The following PRCP variants were observed in gnomAD, a reference collection of about 807,000 sequenced individuals.
PRCP encodes the protein lysosomal Pro-X carboxypeptidase.
Under a neutral mutation model 54.2 loss-of-function variants are expected in PRCP, and 46 were observed. The ratio of observed to expected loss-of-function variants is 0.85; its 90% CI spans 0.67 to 1.09. PRCP has a LOEUF of 1.09. PRCP is among the 50% of genes least tolerant of loss of function. The pLI is 0.00. For missense variants in PRCP, 613 were observed against 596.8 expected (o/e 1.03, Z -0.28); for synonymous variants, 240 against 212.2 (o/e 1.13, Z -1.14).
chr11:82,878,649 T>C (rs1859664215), intron 1 of PRCP, among the ~76,000 whole-genome samples: 2 of 152,234 alleles, frequency 1.3e-5, no homozygotes, highest in Non-Finnish European at 2.9e-5. Context: ...AGGGTCTTTA[T>C]AATTCAGCAT....
chr11:82,860,801 C>A (rs971447351), intron 1 of PRCP, among the ~76,000 whole-genome samples: 1 of 152,108 alleles, frequency 6.6e-6, no homozygotes, highest in African/African-American at 2.4e-5. Context: ...ATGTCTATAT[C>A]ATTCCCACCA....
intron 6 of PRCP, among the ~76,000 whole-genome samples, chr11:82,842,159 G>A (rs1244059010): frequency 6.6e-6 from 1 of 152,150 alleles, no homozygotes; most frequent in Non-Finnish European, 1.5e-5. Context: ...CCCTCTTAGA[G>A]CTTAGAACAC....
intron 1 of PRCP, among the ~76,000 whole-genome samples, chr11:82,880,768 A>T (rs1859729993): frequency 6.6e-6 from 1 of 151,992 alleles, no homozygotes; most frequent in African/African-American, 2.4e-5. Context: ...CAAAATGGTG[A>T]ATAAATAAAA....
intron 6 of PRCP, among the ~76,000 whole-genome samples, chr11:82,843,801 C>T (rs1003125161): frequency 6.6e-6 from 1 of 152,042 alleles, no homozygotes; most frequent in South Asian, 2.1e-4. Flanking sequence ...TCACAATAAC[C>T]AAGAGAGCAC....
intron 1 of PRCP, among the ~76,000 whole-genome samples, chr11:82,862,758 G>A (rs1419902960): frequency 6.6e-6 from 1 of 152,142 alleles, no homozygotes. Flanking sequence ...TTTTATGGAC[G>A]AGGTATGTAA....
At chr11:82,846,441 G>T (rs896160704) in intron 6 of PRCP, among the ~76,000 whole-genome samples, 3 of 151,766 alleles carry the variant, frequency 2.0e-5, no homozygotes, top group African/African-American at 7.3e-5. Context: ...CTCAAGCAGG[G>T]GGCAAGAGAT....
At chr11:82,827,092 T>C (rs960126624) in intron 8 of PRCP, 4 of 152,200 alleles carry the variant, frequency 2.6e-5, no homozygotes, top group Non-Finnish European at 5.9e-5. Flanking sequence ...TTTATGGGTG[T>C]CCTAATATTT....
chr11:82,885,965 G>A (rs1859853617), intron 1 of PRCP, among the ~76,000 whole-genome samples: 1 of 152,078 alleles, frequency 6.6e-6, no homozygotes, highest in Admixed American at 6.5e-5. Context: ...ACCTTTTTGT[G>A]ATAGTCAATG....
rs368825048 is a variant in PRCP, at chr11:82,856,323, A to G, written c.310-3045T>C. Among the ~76,000 whole-genome samples, 15 of 152,334 alleles carry G rather than the reference A, an allele frequency of 9.8e-5. No homozygotes were observed. In the East Asian group the frequency reaches 2.7e-3, roughly 27 times the overall value. ...ACAATGTGGTCTATATACACCATAG[A>G]ATACTACGTAGCCATTAAAAAGAAC... On this transcript the variant is annotated intron_variant, in intron 2 of 8. Coordinates refer to ENST00000313010, the MANE Select transcript of PRCP (RefSeq NM_005040.4).
chr11:82,843,389 T>A (rs1858723465), intron 6 of PRCP: 1 of 151,784 alleles, frequency 6.6e-6, no homozygotes, highest in African/African-American at 2.4e-5. Context: ...ATAAAATACA[T>A]AAATATTAAA....
At chr11:82,862,821 A>G (rs1355533823) in intron 1 of PRCP, among the ~76,000 whole-genome samples, 2 of 152,228 alleles carry the variant, frequency 1.3e-5, no homozygotes, top group African/African-American at 4.8e-5. Context: ...AATTTACTCA[A>G]TCATTCACTC....
At chr11:82,845,146 G>A (rs1858776785) in intron 6 of PRCP, among the ~76,000 whole-genome samples, 1 of 151,992 alleles carries the variant, frequency 6.6e-6, no homozygotes, top group Admixed American at 6.6e-5. Flanking sequence ...ACTCATTCCA[G>A]TTTTAAAGTG....
chr11:82,896,963 C>T (rs1860132336), intron 1 of PRCP, among the ~76,000 whole-genome samples: 1 of 152,138 alleles, frequency 6.6e-6, no homozygotes, highest in South Asian at 2.1e-4. Context: ...CCCATTCTCC[C>T]TCTTCACTAC....
intron 6 of PRCP, 108 bp from the exon 7 acceptor site, chr11:82,839,533 T>C: frequency 2.5e-6 from 3 of 1,220,912 alleles, no homozygotes; most frequent in Non-Finnish European, 3.4e-6. Flanking sequence ...TAAAATATTC[T>C]TAAGCTACTA....
chr11:82,891,805 A>G (rs1381578019), intron 1 of PRCP, among the ~76,000 whole-genome samples: 1 of 152,242 alleles, frequency 6.6e-6, no homozygotes, highest in African/African-American at 2.4e-5. Context: ...GAATTTAGAC[A>G]GACATTGAAC....
rs1287906734 is a variant in PRCP, at chr11:82,839,149, C to T, written c.1086+112G>A. On this transcript the variant is annotated intron_variant, in intron 7 of 8. Coordinates refer to ENST00000313010, the MANE Select transcript of PRCP (RefSeq NM_005040.4). ...GTATCACAGCATAAGGTAACAGAGC[C>T]CAAAACTGGATCCAGGTTAGGTGAC... The T allele has an allele frequency of 3.5e-6, 4 of 1,139,928 alleles. No individual in the cohort carries two copies. In the African/African-American group the frequency reaches 6.3e-5, roughly 18 times the overall value. 70.6% of individuals were successfully genotyped at this position (1,139,928 alleles called of 1,614,324 possible). A position where few individuals can be genotyped will look rare whatever the true frequency, so the allele number is the denominator to read the frequency against.
chr11:82,863,491 T>C (rs939587680), intron 1 of PRCP, among the ~76,000 whole-genome samples: 2 of 152,234 alleles, frequency 1.3e-5, no homozygotes, highest in African/African-American at 2.4e-5. Context: ...AGGAAGCTCA[T>C]GGCTCTCTAA....
intron 2 of PRCP, among the ~76,000 whole-genome samples, chr11:82,854,922 A>G (rs1225513172): frequency 6.6e-6 from 1 of 152,230 alleles, no homozygotes; most frequent in African/African-American, 2.4e-5. Flanking sequence ...GCAATGGGAA[A>G]AGGACTCCGT....
At chr11:82,883,548 A>G (rs1859799360) in intron 1 of PRCP, among the ~76,000 whole-genome samples, 1 of 152,192 alleles carries the variant, frequency 6.6e-6, no homozygotes, top group South Asian at 2.1e-4. Context: ...TTGATCCTAA[A>G]ATATATTTGC....
Sources: gnomAD v4.1 joint callset for allele counts (sites outside exome capture counted in the v4.1 genomes callset) on GRCh38, gnomAD v4.1.1 for gene constraint, MANE v1.5 for transcripts, NCBI Gene and HGNC (gene_info 2026-07-23, HGNC 2026-07-21) for gene names.